ITGAV: variants seen among roughly 807,000 people sequenced by gnomAD.
The protein encoded by ITGAV is integrin subunit alpha V.
In ITGAV, 76 loss-of-function variants were observed where a neutral mutation model predicts 143.8. The observed-to-expected ratio is 0.53, with a 90% CI of 0.44 to 0.64. The LOEUF is 0.64. Among genes scored for constraint, ITGAV ranks in the 30% least tolerant of loss-of-function variants. The pLI is 0.00. For missense variants in ITGAV, 1,193 were observed against 1,274.7 expected (o/e 0.94, Z 0.98); for synonymous variants, 453 against 446.7 (o/e 1.01, Z -0.18).
At position 186,665,233 on chromosome 2, in the gene ITGAV, T is replaced by A; in HGVS notation, c.2166+15T>A. 6.6e-7 allele frequency: 1 copy of A among 1,520,404 alleles called. No homozygotes were observed. The allele number at this position is 1,520,404 out of a possible 1,614,324, so 94.2% of individuals were successfully genotyped here. On this transcript the variant is annotated intron_variant, in intron 21 of 29. Transcript: ENST00000261023. ...CTGGAACTCAAGTAAGACAATTTAA[T>A]TAAACGGATTTTTCTCCCTGGCAAA...
intron 2 of ITGAV, 46 bp from the exon 3 acceptor site, chr2:186,622,293 A>C: frequency 1.6e-6 from 2 of 1,281,198 alleles, no homozygotes; most frequent in Non-Finnish European, 2.3e-6. Context: ...TGTTATATTA[A>C]GAATAGTATA....
chr2:186,669,767 A>G lies in ITGAV; in HGVS notation c.2659A>G (p.Ile887Val), dbSNP rs1259668886. Residue 887 changes from isoleucine to valine, a missense_variant, in exon 26 of 30, where the codon ATC becomes GTC. Transcript: ENST00000261023. ...CGGGCAAGGTGAGCGGGACCATCTC[A>G]TCACTAAGCGGGATCTTGCCCTCAG... is the stretch of plus-strand genomic sequence containing the variant. ...VAGQGERDHL[I>V]TKRDLALSEG... 2 of 1,613,508 alleles carry G rather than the reference A, an allele frequency of 1.2e-6. No individual in the cohort carries two copies. The highest frequency in any genetic ancestry group is 2.2e-5 in the East Asian group (1 of 44,872).
At position 186,651,990 on chromosome 2, in the gene ITGAV, C is replaced by A. The variant is rs781072327; in HGVS notation, c.1406C>A (p.Pro469Gln). The change falls in exon 15 of 30, where the codon CCA (proline) becomes CAA (glutamine). Residue 469 changes from proline (P) to glutamine (Q), a missense_variant. By Grantham distance (76) the Pro-to-Gln change is moderately conservative. Coordinates refer to ENST00000261023, the MANE Select transcript of ITGAV (RefSeq NM_002210.5). ...TTTCCCTCCCCCGCTAGGGCCAGAC[C>A]AGTTATCACTGTAAATGCTGGTCTT... Reference protein sequence around the residue: ...VDRAILYRARPVITVNAGLEV... With the variant: ...VDRAILYRARQVITVNAGLEV... The A allele has an allele frequency of 1.2e-6, 2 of 1,603,020 alleles. No homozygotes were observed. The highest frequency in any genetic ancestry group is 3.4e-5 in the Admixed American group (2 of 59,466).
chr2:186,645,809 A>G (rs890643724), intron 12 of ITGAV, among the ~76,000 whole-genome samples: 1 of 151,728 alleles, frequency 6.6e-6, no homozygotes, highest in African/African-American at 2.4e-5. Context: ...CTACTGAAAA[A>G]AAAACAAAAA....
Position 186,601,309 on chromosome 2 carries a change from A to T in ITGAV, c.186-712A>T, listed in dbSNP as rs548316124. ...CACCCCTACAGAAAATTTAAAAAAA[A>T]AATTAGCTTAGCATGGTGGCATATG... On this transcript the variant is annotated intron_variant, in intron 1 of 29. Coordinates refer to ENST00000261023, the MANE Select transcript of ITGAV (RefSeq NM_002210.5). 3.0e-3 allele frequency among the ~76,000 whole-genome samples: 463 copies of T among 152,084 alleles called. 7 individuals carry two copies. Among genetic ancestry groups the T allele is most frequent in the East Asian group, 2.7e-3 (14 of 5,166 alleles).
chr2:186,663,736 T>C (rs1246510042), intron 18 of ITGAV, 32 bp from the exon 19 acceptor site: 2 of 1,546,094 alleles, frequency 1.3e-6, no homozygotes, highest in African/African-American at 2.7e-5. Flanking sequence ...ATTGGTATTT[T>C]TCATGTAGAA....
chr2:186,654,842 A>T, intron 16 of ITGAV, 134 bp downstream of exon 16: 1 of 520,256 alleles, frequency 1.9e-6, no homozygotes, highest in Non-Finnish European at 3.4e-6. Context: ...GCTTAAAGAC[A>T]TTTAAGATTT....
chr2:186,602,189 A>C (rs1415769715), intron 2 of ITGAV, 38 bp downstream of exon 2: 2 of 1,582,244 alleles, frequency 1.3e-6, no homozygotes, highest in East Asian at 4.5e-5. Flanking sequence ...CATTGATTTC[A>C]TTTGATTTTT....
intron 2 of ITGAV, among the ~76,000 whole-genome samples, chr2:186,617,037 G>GT (rs35578823): frequency 0.029 from 4,162 of 145,734 alleles, 207 homozygotes; most frequent in African/African-American, 0.098. Flanking sequence ...TTCTTTTTTT[G>GT]TTTTTTTTTT....
intron 18 of ITGAV, among the ~76,000 whole-genome samples, chr2:186,662,237 G>A (rs116049880): frequency 0.019 from 2,822 of 152,194 alleles, 46 homozygotes; most frequent in African/African-American, 0.037. Flanking sequence ...CTAATCAAGC[G>A]TTGATTTATA....
chr2:186,663,859 T>C (rs1688815675), intron 19 of ITGAV, 24 bp downstream of exon 19: 7 of 1,525,830 alleles, frequency 4.6e-6, no homozygotes, highest in Non-Finnish European at 6.4e-6. Context: ...GAAATAATAA[T>C]GTAGTAAGAA....
intron 26 of ITGAV, among the ~76,000 whole-genome samples, chr2:186,671,392 G>GT (rs1396989373): frequency 6.6e-6 from 1 of 152,040 alleles, no homozygotes; most frequent in East Asian, 1.9e-4. Context: ...CCCCAAGCAT[G>GT]TTTATTCCTC....
chr2:186,640,981 A>C lies in ITGAV; in HGVS notation c.956+14A>C, dbSNP rs1688087061. 6.3e-7 allele frequency: 1 copy of C among 1,578,618 alleles called. No homozygotes were observed. Among genetic ancestry groups the C allele is most frequent in the African/African-American group, 1.3e-5 (1 of 74,204 alleles). On this transcript the variant is annotated intron_variant, in intron 11 of 29. Coordinates refer to ENST00000261023, the MANE Select transcript of ITGAV (RefSeq NM_002210.5). Reference sequence around the variant, plus strand: ...TAATGGAGATGAGTAAGTTTAAAAAAAAATGTTTCCAGAAAGTTATCTTCT... The same window carrying C: ...TAATGGAGATGAGTAAGTTTAAAAACAAATGTTTCCAGAAAGTTATCTTCT...
intron 15 of ITGAV, among the ~76,000 whole-genome samples, chr2:186,652,631 AAAAG>A (rs1455212876): frequency 7.9e-5 from 12 of 152,350 alleles, no homozygotes; most frequent in Admixed American, 5.9e-4. Context: ...AATATTTTCA[AAAAG>A]AAAGAAAAGC....
At chr2:186,622,666 A>G (rs2105686315) in intron 3 of ITGAV, among the ~76,000 whole-genome samples, 1 of 152,238 alleles carries the variant, frequency 6.6e-6, no homozygotes, top group East Asian at 1.9e-4. Flanking sequence ...TACCTGCCCC[A>G]CTTGACAGTT....
At chr2:186,604,034 T>G (rs527828474) in intron 2 of ITGAV, among the ~76,000 whole-genome samples, 37 of 151,950 alleles carry the variant, frequency 2.4e-4, no homozygotes, top group African/African-American at 8.9e-4. Context: ...CGGCTAGTTT[T>G]TATGTATTTT....
Position 186,638,308 on chromosome 2 carries a change from G to A in ITGAV, c.834G>A (p.Arg278=), listed in dbSNP as rs1259543937. The A allele has an allele frequency of 3.1e-6, 5 of 1,613,726 alleles. No homozygotes were observed. The highest frequency in any genetic ancestry group is 4.2e-6 in the Non-Finnish European group (5 of 1,179,830). Residue 278 remains arginine, a synonymous_variant, in exon 9 of 30, where the codon AGG becomes AGA. Coordinates refer to ENST00000261023, the MANE Select transcript of ITGAV (RefSeq NM_002210.5). ...TTTCAGGAGTTCCAAGAGCAGCAAG[G>A]ACTTTGGGAATGGTAGGACAGTTAA... is the stretch of plus-strand genomic sequence containing the variant. ...DFVSGVPRAA[R]TLGMVYIYDG... is the part of the protein sequence containing the mutation.
chr2:186,675,835 C>A lies in ITGAV; in HGVS notation c.2836C>A (p.His946Asn). The stretch of plus-strand genomic sequence containing the variant: ...TTCCAAACAGAAAGAAAATCAGAAT[C>A]ATTCCTATTCTCTGAAGTCGTCTGC... ...ETFMNKENQNHSYSLKSSASF... is the reference protein window; with the variant it reads ...ETFMNKENQNNSYSLKSSASF... The change falls in exon 28 of 30, where the codon CAT (histidine) becomes AAT (asparagine). Residue 946 changes from histidine to asparagine, a missense_variant. Coordinates refer to ENST00000261023, the MANE Select transcript of ITGAV (RefSeq NM_002210.5). 1 of 1,600,404 alleles carries A rather than the reference C, an allele frequency of 6.2e-7. No homozygotes were observed. The highest frequency in any genetic ancestry group is 2.2e-5 in the East Asian group (1 of 44,782).
At chr2:186,603,315 A>C (rs1686965442) in intron 2 of ITGAV, among the ~76,000 whole-genome samples, 1 of 152,208 alleles carries the variant, frequency 6.6e-6, no homozygotes, top group South Asian at 2.1e-4. Flanking sequence ...GTACTAAAAT[A>C]TATTGATTCT....
Sources: allele counts gnomAD v4.1 joint callset (sites outside exome capture counted in the v4.1 genomes callset), GRCh38; gene constraint gnomAD v4.1.1; transcripts MANE v1.5; gene names NCBI Gene and HGNC (gene_info 2026-07-23, HGNC 2026-07-21).